RALGAPB: variants seen among roughly 807,000 people sequenced by gnomAD.
The protein encoded by RALGAPB is Ral GTPase activating protein non-catalytic subunit beta.
In RALGAPB, 25 loss-of-function variants were observed where a neutral mutation model predicts 161.1. The ratio of observed to expected loss-of-function variants is 0.16; its 90% CI spans 0.11 to 0.22. The LOEUF (loss-of-function observed/expected upper bound fraction) is 0.22. Among genes scored for constraint, RALGAPB ranks in the 10% least tolerant of loss-of-function variants. The pLI, the probability that RALGAPB is intolerant of heterozygous loss-of-function variation, is 1.00. For synonymous variants in RALGAPB, 629 were observed against 626.1 expected (o/e 1.00, Z -0.07); for missense variants, 1,391 against 1,815.2 (o/e 0.77, Z 4.25).
chr20:38,495,963 G>A (rs919601775), intron 3 of RALGAPB, among the ~76,000 whole-genome samples: 1 of 152,158 alleles, frequency 6.6e-6, no homozygotes, highest in Non-Finnish European at 1.5e-5. Flanking sequence ...AGGGCCATTA[G>A]TGGTATTTTT....
chr20:38,569,227 C>T (rs1490039862), intron 26 of RALGAPB: 1 of 152,264 alleles, frequency 6.6e-6, no homozygotes, highest in African/African-American at 2.4e-5. Flanking sequence ...TTGTTTAGGG[C>T]TTTAGCACAA....
intron 4 of RALGAPB, among the ~76,000 whole-genome samples, chr20:38,498,141 A>G (rs1055380472): frequency 3.3e-5 from 5 of 152,134 alleles, no homozygotes; most frequent in African/African-American, 1.2e-4. Flanking sequence ...ATTACAAAGT[A>G]GTTATCAAAG....
chr20:38,503,961 A>G (rs77384193), intron 5 of RALGAPB, among the ~76,000 whole-genome samples: 1,589 of 152,324 alleles, frequency 0.01, 21 homozygotes, highest in African/African-American at 0.036. Context: ...TTCCATGTTC[A>G]TGGATTAGAA....
chr20:38,555,264 G>C (rs1009667136), intron 22 of RALGAPB, among the ~76,000 whole-genome samples: 4 of 152,192 alleles, frequency 2.6e-5, no homozygotes, highest in African/African-American at 9.6e-5. Context: ...TGCATAACTT[G>C]TCCCTTGCCC....
At chr20:38,532,908 T>C (rs891202450) in intron 15 of RALGAPB, 49 bp downstream of exon 15, 10 of 1,559,236 alleles carry the variant, frequency 6.4e-6, no homozygotes, top group Non-Finnish European at 7.9e-6. Flanking sequence ...ATGACTTTAA[T>C]GCTTACATTT....
At chr20:38,516,421 T>G (rs749005920) in intron 7 of RALGAPB, 51 bp downstream of exon 7, 1 of 1,520,356 alleles carries the variant, frequency 6.6e-7, no homozygotes. Context: ...TTTAGATAAC[T>G]CTAGAGGCTA....
At chr20:38,543,583 A>G (rs2087051804) in intron 18 of RALGAPB, among the ~76,000 whole-genome samples, 1 of 152,020 alleles carries the variant, frequency 6.6e-6, no homozygotes, top group African/African-American at 2.4e-5. Context: ...AAACTCCTCA[A>G]TCTGGTTTTT....
intron 28 of RALGAPB, among the ~76,000 whole-genome samples, chr20:38,571,152 C>A (rs866230286): frequency 6.6e-6 from 1 of 152,188 alleles, no homozygotes; most frequent in Middle Eastern, 3.4e-3. Flanking sequence ...GCAATCTATT[C>A]CTGAACACTT....
chr20:38,496,249 A>C (rs1231243418), intron 3 of RALGAPB, among the ~76,000 whole-genome samples: 1 of 151,710 alleles, frequency 6.6e-6, no homozygotes, highest in African/African-American at 2.4e-5. Context: ...TTTGCTTGCA[A>C]CTCTAGGGTA....
intron 1 of RALGAPB, 65 bp downstream of exon 1, chr20:38,473,134 G>A: frequency 3.0e-6 from 1 of 333,602 alleles, no homozygotes; most frequent in Non-Finnish European, 5.4e-6. Context: ...TTCCCCACCT[G>A]GCGGTCAAGG....
chr20:38,484,930 G>A (rs535960621), intron 1 of RALGAPB, among the ~76,000 whole-genome samples: 1 of 152,210 alleles, frequency 6.6e-6, no homozygotes, highest in Non-Finnish European at 1.5e-5. Context: ...CCCAACCTCA[G>A]GTGATCCACC....
At chr20:38,483,481 GT>G (rs1344687097) in intron 1 of RALGAPB, among the ~76,000 whole-genome samples, 1 of 152,172 alleles carries the variant, frequency 6.6e-6, no homozygotes, top group Non-Finnish European at 1.5e-5. Flanking sequence ...TAATACTACA[GT>G]GAGCATCTTG....
At chr20:38,565,795 G>C (rs1434281041) in intron 25 of RALGAPB, among the ~76,000 whole-genome samples, 1 of 152,078 alleles carries the variant, frequency 6.6e-6, no homozygotes, top group Non-Finnish European at 1.5e-5. Flanking sequence ...AATTACGAGT[G>C]ATCCCTCACC....
At chr20:38,535,948 G>A (rs2086793112) in intron 16 of RALGAPB, among the ~76,000 whole-genome samples, 1 of 152,150 alleles carries the variant, frequency 6.6e-6, no homozygotes, top group South Asian at 2.1e-4. Context: ...CTTAGAACTT[G>A]GTGGTCATTT....
chr20:38,508,790 A>G (rs1234417170), intron 5 of RALGAPB, among the ~76,000 whole-genome samples: 1 of 152,188 alleles, frequency 6.6e-6, no homozygotes, highest in African/African-American at 2.4e-5. Context: ...TTTTTAATGA[A>G]CGCATAATAG....
chr20:38,488,634 T>C lies in RALGAPB; in HGVS notation c.186+16T>C. ...TGACAAAGAAGTAAGTGTTTCTAAA[T>C]TTCATTCTCTTATATGAAAATGTAC... is the stretch of plus-strand genomic sequence containing the variant. On this transcript the variant is annotated intron_variant, in intron 2 of 29. Transcript: ENST00000262879. The C allele has an allele frequency of 6.3e-7, 1 of 1,591,984 alleles. No individual in the cohort carries two copies. The highest frequency in any genetic ancestry group is 8.6e-7 in the Non-Finnish European group (1 of 1,164,632).
chr20:38,493,065 G>GT lies in RALGAPB; in HGVS notation c.324dup (p.Ile109TyrfsTer2). On this transcript the variant is annotated frameshift_variant, in exon 3 of 30. Coordinates refer to ENST00000262879, the MANE Select transcript of RALGAPB (RefSeq NM_020336.4). LOFTEE classifies it high-confidence loss of function. ...GCCAAAAGATTCTATTCCATTGCCAGTTATTAAAGAGCCTAATCAATATGT... is the reference window on the plus strand; with the variant it reads ...GCCAAAAGATTCTATTCCATTGCCAGTTTATTAAAGAGCCTAATCAATATGT... 1 of 1,612,214 alleles carries GT rather than the reference G, an allele frequency of 6.2e-7. No homozygotes were observed. Among genetic ancestry groups the GT allele is most frequent in the Non-Finnish European group, 8.5e-7 (1 of 1,178,576 alleles).
chr20:38,541,288 C>A, intron 18 of RALGAPB, 96 bp downstream of exon 18: 2 of 1,190,510 alleles, frequency 1.7e-6, no homozygotes, highest in South Asian at 2.1e-5. Flanking sequence ...TTCAGCATTG[C>A]GTGATGCAGC....
intron 3 of RALGAPB, among the ~76,000 whole-genome samples, chr20:38,494,160 C>A (rs1488316714): frequency 6.6e-6 from 1 of 152,194 alleles, no homozygotes; most frequent in Non-Finnish European, 1.5e-5. Flanking sequence ...TATTGCTTAT[C>A]TTTTAAAATG....
Sources: gnomAD v4.1 joint callset for allele counts (sites outside exome capture counted in the v4.1 genomes callset) on GRCh38, gnomAD v4.1.1 for gene constraint, MANE v1.5 for transcripts, NCBI Gene and HGNC (gene_info 2026-07-23, HGNC 2026-07-21) for gene names.